Variants in ITPR2 observed in about 807,000 individuals in gnomAD.
ITPR2 encodes the protein inositol 1,4,5-trisphosphate receptor type 2, also known as inositol 1,4,5-trisphosphate-gated calcium channel ITPR2.
A neutral mutation model predicts 317.1 loss-of-function variants in ITPR2; 207 were observed. The ratio of observed to expected loss-of-function variants is 0.65; its 90% CI spans 0.58 to 0.73. ITPR2 has a LOEUF of 0.73. ITPR2 is among the 30% of genes least tolerant of loss of function. ITPR2 has a pLI of 0.00. For missense variants in ITPR2, 2,613 were observed against 3,284.0 expected (o/e 0.80, Z 4.99); for synonymous variants, 1,156 against 1,149.1 (o/e 1.01, Z -0.12).
intron 55 of ITPR2, among the ~76,000 whole-genome samples, chr12:26,384,698 C>T (rs1380328036): frequency 6.6e-6 from 1 of 152,154 alleles, no homozygotes; most frequent in African/African-American, 2.4e-5. Context: ...GTCATAAAAT[C>T]CAAAGGCTTT....
intron 34 of ITPR2, among the ~76,000 whole-genome samples, chr12:26,570,568 A>G (rs2137053455): frequency 1.3e-5 from 2 of 152,320 alleles, no homozygotes; most frequent in African/African-American, 4.8e-5. Flanking sequence ...GTTGGCTTGT[A>G]AATTGATGTT....
At chr12:26,551,713 C>A (rs1339711084) in intron 36 of ITPR2, among the ~76,000 whole-genome samples, 1 of 152,156 alleles carries the variant, frequency 6.6e-6, no homozygotes, top group African/African-American at 2.4e-5. Context: ...TTTCACCTGG[C>A]AAGGAAGGCT....
intron 52 of ITPR2, chr12:26,406,699 A>C (rs2136662304): frequency 6.6e-6 from 1 of 152,328 alleles, no homozygotes; most frequent in South Asian, 2.1e-4. Context: ...TCCTGGTCTT[A>C]GACATAGAAG....
At chr12:26,820,514 A>G (rs1950923206) in intron 1 of ITPR2, among the ~76,000 whole-genome samples, 1 of 152,204 alleles carries the variant, frequency 6.6e-6, no homozygotes, top group African/African-American at 2.4e-5. Context: ...TGTATGTAAT[A>G]AGATTATATG....
At chr12:26,369,167 T>A (rs1021303098) in intron 55 of ITPR2, among the ~76,000 whole-genome samples, 1 of 152,194 alleles carries the variant, frequency 6.6e-6, no homozygotes, top group Non-Finnish European at 1.5e-5. Flanking sequence ...GGGCAGAGCA[T>A]AGCAGGTGCC....
chr12:26,753,381 C>T (rs1298508236), intron 2 of ITPR2, among the ~76,000 whole-genome samples: 2 of 152,176 alleles, frequency 1.3e-5, no homozygotes, highest in African/African-American at 2.4e-5. Context: ...CAGAATTAGG[C>T]ATGTACAGGA....
intron 37 of ITPR2, among the ~76,000 whole-genome samples, chr12:26,509,918 A>G (rs1338830735): frequency 1.4e-5 from 2 of 144,882 alleles, no homozygotes; most frequent in Non-Finnish European, 3.0e-5. Flanking sequence ...TCCTAAAAAA[A>G]GATCCCAGAA....
intron 5 of ITPR2, among the ~76,000 whole-genome samples, chr12:26,720,764 T>G (rs947047701): frequency 2.0e-5 from 3 of 152,314 alleles, no homozygotes; most frequent in Non-Finnish European, 2.9e-5. Context: ...TTTTGTTTTG[T>G]TTTGGTTTTC....
intron 22 of ITPR2, among the ~76,000 whole-genome samples, chr12:26,630,008 GA>G (rs1185333890): frequency 6.6e-6 from 1 of 152,194 alleles, no homozygotes; most frequent in African/African-American, 2.4e-5. Context: ...CATATTGATT[GA>G]ACTGATTCTT....
At chr12:26,441,754 G>A (rs1941492736) in intron 46 of ITPR2, among the ~76,000 whole-genome samples, 2 of 152,204 alleles carry the variant, frequency 1.3e-5, no homozygotes, top group African/African-American at 4.8e-5. Context: ...CCTTTTAGCT[G>A]CCAAACTTCA....
intron 51 of ITPR2, among the ~76,000 whole-genome samples, chr12:26,411,822 G>C (rs1288327057): frequency 3.3e-5 from 5 of 152,124 alleles, no homozygotes; most frequent in Admixed American, 2.6e-4. Flanking sequence ...GGCAGGGACT[G>C]CTGCTGGTAG....
intron 37 of ITPR2, among the ~76,000 whole-genome samples, chr12:26,497,481 A>G (rs1942965198): frequency 2.8e-5 from 1 of 35,994 alleles, no homozygotes; most frequent in Non-Finnish European, 8.9e-5. Flanking sequence ...CTTTACTCCT[A>G]TGATATTCAA....
In ITPR2 at chr12:26,599,324, G is replaced by A. The variant is rs767393465; in HGVS notation, c.3823C>T (p.Arg1275Trp). Residue 1275 changes from arginine to tryptophan, a missense_variant, in exon 30 of 57, where the codon CGG becomes TGG. Physicochemically the swap from Arg to Trp is moderately radical, Grantham distance 101. Transcript: ENST00000381340. ...TPGLLEAETMRHIFMNNYHLC... is the reference protein window; with the variant it reads ...TPGLLEAETMWHIFMNNYHLC... ...TGGTAATTGTTCATGAAGATGTGCCGCATGGTTTCTGCTTCAAGGAGCTAA... is the reference window on the plus strand; with the variant it reads ...TGGTAATTGTTCATGAAGATGTGCCACATGGTTTCTGCTTCAAGGAGCTAA... 1.0e-4 allele frequency: 165 copies of A among 1,613,802 alleles called. 3 individuals are homozygous for A. Among genetic ancestry groups the A allele is most frequent in the South Asian group, 9.4e-4 (86 of 91,080 alleles).
intron 32 of ITPR2, among the ~76,000 whole-genome samples, chr12:26,590,804 G>T (rs1035403743): frequency 6.6e-6 from 1 of 152,122 alleles, no homozygotes; most frequent in East Asian, 1.9e-4. Flanking sequence ...TTCAGGTCGG[G>T]CACAGTGGCT....
chr12:26,414,090 C>T (rs1189951081), intron 51 of ITPR2, among the ~76,000 whole-genome samples: 2 of 151,060 alleles, frequency 1.3e-5, no homozygotes, highest in Admixed American at 6.6e-5. Flanking sequence ...CACACACAAA[C>T]ACAAGTCCCC....
chr12:26,480,107 G>C lies in ITPR2; in HGVS notation c.6123+1024C>G, dbSNP rs543831681. 6.6e-5 allele frequency among the ~76,000 whole-genome samples: 10 copies of C among 152,244 alleles called. No individual in the cohort carries two copies. The South Asian group carries it at 2.1e-3, about 32-fold the overall frequency. On this transcript the variant is annotated intron_variant, in intron 43 of 56. Coordinates refer to ENST00000381340, the MANE Select transcript of ITPR2 (RefSeq NM_002223.4). ...TAATTATACATTCTTAATAGTCTTG[G>C]ATAGACAGGGCTTCACAGATAAATT...
intron 13 of ITPR2, among the ~76,000 whole-genome samples, chr12:26,677,367 A>G (rs529692797): frequency 6.6e-6 from 1 of 152,362 alleles, no homozygotes; most frequent in South Asian, 2.1e-4. Flanking sequence ...TGGGAGGCCA[A>G]CAAAGGTAGA....
intron 21 of ITPR2, among the ~76,000 whole-genome samples, chr12:26,635,914 C>T (rs1946853985): frequency 6.6e-6 from 1 of 152,174 alleles, no homozygotes; most frequent in Admixed American, 6.5e-5. Context: ...AGATCAAAGC[C>T]TTAATTAAGC....
chr12:26,585,698 C>A (rs1048741911), intron 32 of ITPR2, among the ~76,000 whole-genome samples: 1 of 152,180 alleles, frequency 6.6e-6, no homozygotes, highest in Non-Finnish European at 1.5e-5. Flanking sequence ...AGCCACTACA[C>A]CCGACCCTTT....
Sources: allele counts gnomAD v4.1 joint callset (sites outside exome capture counted in the v4.1 genomes callset), GRCh38; gene constraint gnomAD v4.1.1; transcripts MANE v1.5; gene names NCBI Gene and HGNC (gene_info 2026-07-23, HGNC 2026-07-21).